NLK: variants seen among roughly 807,000 people sequenced by gnomAD.
The protein encoded by NLK is nemo like kinase.
NLK carries 11 observed loss-of-function variants against 59.0 expected under a neutral mutation model. The observed-to-expected ratio is 0.19, with a 90% CI of 0.12 to 0.31. NLK has a LOEUF of 0.31. Ranked by LOEUF, NLK falls within the 10% of genes least tolerant of loss-of-function variation. The pLI, the probability that NLK is intolerant of heterozygous loss-of-function variation, is 1.00. For missense variants in NLK, 410 were observed against 661.1 expected, an observed-to-expected ratio of 0.62 and a Z score of 4.16; for synonymous variants, 235 against 235.9, an observed-to-expected ratio of 1.00 and a Z score of 0.03.
intron 4 of NLK, among the ~76,000 whole-genome samples, chr17:28,161,891 A>G (rs980686393): frequency 4.6e-5 from 7 of 152,262 alleles, no homozygotes; most frequent in Admixed American, 6.5e-5. Flanking sequence ...ACAAGTAGAG[A>G]ATTGCTTAAA....
At chr17:28,141,686 T>G (rs1461817730) in intron 3 of NLK, among the ~76,000 whole-genome samples, 1 of 152,194 alleles carries the variant, frequency 6.6e-6, no homozygotes, top group Non-Finnish European at 1.5e-5. Flanking sequence ...ATGTTAATAT[T>G]CATTGTATTG....
chr17:28,152,959 TA>T lies in NLK; in HGVS notation c.645-8200del, dbSNP rs1907546209. On this transcript the variant is annotated intron_variant, in intron 3 of 10. Coordinates refer to ENST00000407008, the MANE Select transcript of NLK (RefSeq NM_016231.5). ...CAGGATTTTTTTATTTTTTATTTTT[TA>T]TTTTTTTTTCCTGTATAAAAGCTCA... is the stretch of plus-strand genomic sequence containing the variant. Among the ~76,000 whole-genome samples, 9 of 151,964 alleles carry T rather than the reference TA, an allele frequency of 5.9e-5. No homozygotes were observed. In the South Asian group the frequency reaches 1.9e-3, roughly 32 times the overall value.
chr17:28,083,652 A>G (rs1285099723), intron 1 of NLK, among the ~76,000 whole-genome samples: 6 of 152,140 alleles, frequency 3.9e-5, no homozygotes, highest in Non-Finnish European at 8.8e-5. Flanking sequence ...TTGTTGGTTT[A>G]TATGTTTGTT....
chr17:28,188,913 A>T lies in NLK; in HGVS notation c.1237-2108A>T, dbSNP rs558104354. ...TGTCTGCTCCTGAACTGAAATGATGACTCAATTACTTGATTCAGTCTAAGA... is the reference window on the plus strand; with the variant it reads ...TGTCTGCTCCTGAACTGAAATGATGTCTCAATTACTTGATTCAGTCTAAGA... On this transcript the variant is annotated intron_variant, in intron 8 of 10. Coordinates refer to ENST00000407008, the MANE Select transcript of NLK (RefSeq NM_016231.5). 2.4e-4 allele frequency among the ~76,000 whole-genome samples: 37 copies of T among 152,068 alleles called. No homozygotes were observed. The South Asian group carries it at 7.5e-3, about 31-fold the overall frequency.
At chr17:28,078,410 G>A (rs1044580811) in intron 1 of NLK, among the ~76,000 whole-genome samples, 2 of 151,918 alleles carry the variant, frequency 1.3e-5, no homozygotes, top group Admixed American at 6.6e-5. Context: ...TGGGAAGTAC[G>A]GAGTTCCTGC....
intron 1 of NLK, among the ~76,000 whole-genome samples, chr17:28,086,911 G>C (rs1910538291): frequency 6.6e-6 from 1 of 151,492 alleles, no homozygotes; most frequent in African/African-American, 2.4e-5. Context: ...AGCTGGTTGT[G>C]GTGGCGTGCA....
chr17:28,182,928 A>G (rs1366943663), intron 7 of NLK, among the ~76,000 whole-genome samples: 4 of 152,246 alleles, frequency 2.6e-5, no homozygotes, highest in African/African-American at 9.6e-5. Flanking sequence ...CCACAAATAT[A>G]ATCATAGTGA....
chr17:28,050,915 G>T (rs1190614232), intron 1 of NLK, among the ~76,000 whole-genome samples: 2 of 151,750 alleles, frequency 1.3e-5, no homozygotes, highest in African/African-American at 4.8e-5. Flanking sequence ...GACCAGCCTG[G>T]ACAACATAGT....
In NLK at chr17:28,169,901, C is replaced by G. The variant is rs143262037; in HGVS notation, c.1047+1244C>G. Among the ~76,000 whole-genome samples, 370 of 152,000 alleles carry G rather than the reference C, an allele frequency of 2.4e-3. 7 individuals carry two copies. The highest frequency in any genetic ancestry group is 0.018 in the Admixed American group (275 of 15,266). ...GTAAATAAGACAGCATTGTTCTTAACCTTTGTGAAACTTTTACATGAGACA... is the reference window on the plus strand; with the variant it reads ...GTAAATAAGACAGCATTGTTCTTAAGCTTTGTGAAACTTTTACATGAGACA... On this transcript the variant is annotated intron_variant, in intron 6 of 10. Transcript: ENST00000407008.
intron 2 of NLK, among the ~76,000 whole-genome samples, chr17:28,128,533 C>T (rs889762954): frequency 3.9e-5 from 6 of 151,994 alleles, no homozygotes; most frequent in African/African-American, 9.7e-5. Flanking sequence ...AAAAATTTCA[C>T]GAAAGAGGAT....
At chr17:28,170,178 G>A (rs750814880) in intron 6 of NLK, among the ~76,000 whole-genome samples, 2 of 152,214 alleles carry the variant, frequency 1.3e-5, no homozygotes, top group Non-Finnish European at 2.9e-5. Flanking sequence ...GTATGTGATG[G>A]AAGACGCTGT....
intron 1 of NLK, among the ~76,000 whole-genome samples, chr17:28,073,080 A>G (rs111294736): frequency 2.6e-5 from 4 of 151,806 alleles, no homozygotes; most frequent in African/African-American, 9.7e-5. Context: ...TTTTAAGTAA[A>G]TTTTTGACTT....
intron 1 of NLK, among the ~76,000 whole-genome samples, chr17:28,057,885 A>C (rs1365867565): frequency 6.6e-6 from 1 of 152,178 alleles, no homozygotes; most frequent in East Asian, 1.9e-4. Context: ...ATAGATTTTT[A>C]AATCTAAAAT....
At chr17:28,135,919 A>G (rs1208968154) in intron 3 of NLK, among the ~76,000 whole-genome samples, 1 of 152,176 alleles carries the variant, frequency 6.6e-6, no homozygotes, top group Non-Finnish European at 1.5e-5. Flanking sequence ...TGAGTCTAGG[A>G]GATCTTTGAT....
chr17:28,205,618 T>C, the NLK span, among the ~76,000 whole-genome samples: 1 of 152,230 alleles, frequency 6.6e-6, no homozygotes, highest in African/African-American at 2.4e-5. Flanking sequence ...TTTTTGTTTC[T>C]TGATGGATAC....
intron 3 of NLK, among the ~76,000 whole-genome samples, chr17:28,136,847 C>T (rs1906770098): frequency 1.3e-5 from 2 of 151,948 alleles, no homozygotes; most frequent in Non-Finnish European, 2.9e-5. Context: ...AGGTGATCTG[C>T]CGCTTTGTTG....
intron 1 of NLK, among the ~76,000 whole-genome samples, chr17:28,110,873 C>G (rs1339173810): frequency 1.3e-5 from 2 of 151,526 alleles, no homozygotes; most frequent in African/African-American, 4.9e-5. Flanking sequence ...GAGACGGAGT[C>G]TCGCTCTGTC....
At chr17:28,148,862 A>T (rs1713948010) in intron 3 of NLK, among the ~76,000 whole-genome samples, 1 of 152,230 alleles carries the variant, frequency 6.6e-6, no homozygotes, top group Non-Finnish European at 1.5e-5. Context: ...TTGAGCAGTT[A>T]CTTCAGGTGT....
intron 2 of NLK, among the ~76,000 whole-genome samples, chr17:28,123,025 T>C (rs1906132782): frequency 1.3e-5 from 2 of 152,234 alleles, no homozygotes; most frequent in South Asian, 4.1e-4. Flanking sequence ...TATGTCTCTC[T>C]ATGACTGTCT....
Sources: allele counts gnomAD v4.1 joint callset (sites outside exome capture counted in the v4.1 genomes callset), GRCh38; gene constraint gnomAD v4.1.1; transcripts MANE v1.5; gene names NCBI Gene and HGNC (gene_info 2026-07-23, HGNC 2026-07-21).